IL20RA: variants seen among roughly 807,000 people sequenced by gnomAD.
The protein encoded by IL20RA is interleukin-20 receptor subunit alpha.
Under a neutral mutation model 36.5 loss-of-function variants are expected in IL20RA, and 29 were observed. The observed-to-expected ratio is 0.79, with a 90% CI of 0.59 to 1.08. IL20RA has a LOEUF of 1.08. IL20RA is among the 50% of genes least tolerant of loss of function. IL20RA has a pLI of 0.00. For synonymous variants in IL20RA, 279 were observed against 267.1 expected (o/e 1.04, Z -0.43); for missense variants, 652 against 668.4 (o/e 0.98, Z 0.27).
Position 137,004,644 on chromosome 6 carries a change from T to C in IL20RA, c.841A>G (p.Lys281Glu), listed in dbSNP as rs1336856512. ...ACCAAATTTGCTGGGTGTTTCTCTTTGCCAACGTGGATATATCGGTAGATG... is the reference window on the plus strand; with the variant it reads ...ACCAAATTTGCTGGGTGTTTCTCTTCGCCAACGTGGATATATCGGTAGATG... The part of the protein sequence containing the change: ...YSIYRYIHVG[K>E]EKHPANLILI... The change falls in exon 6 of 7, where the codon AAA (lysine) becomes GAA (glutamate). Residue 281 changes from lysine (K) to glutamate (E), a missense_variant. Physicochemically the swap from Lys to Glu is moderately conservative, Grantham distance 56. Coordinates refer to ENST00000316649, the MANE Select transcript of IL20RA (RefSeq NM_014432.4). The C allele has an allele frequency of 3.1e-6, 5 of 1,613,796 alleles. No individual in the cohort carries two copies. The highest frequency in any genetic ancestry group is 4.2e-6 in the Non-Finnish European group (5 of 1,179,966).
chr6:137,002,076 G>A lies in IL20RA; in HGVS notation c.1144C>T (p.Leu382Phe), dbSNP rs1342642. The A allele has an allele frequency of 0.25, 398,542 of 1,613,872 alleles. 50,866 individuals carry two copies. Among genetic ancestry groups the A allele is most frequent in the Middle Eastern group, 0.27 (1,635 of 6,062 alleles). ...CTGCTGAGGGACTCTTGCTGGGTGA[G>A]AGAAGTACCTTCCGTGTTTTCTTCA... ...DSEENTEGTS[L>F]TQQESLSRTI... Residue 382 changes from leucine (L) to phenylalanine (F), a missense_variant, in exon 7 of 7, where the codon CTC (leucine) becomes TTC (phenylalanine). Transcript: ENST00000316649.
chr6:137,032,317 C>T (rs888388247), intron 1 of IL20RA, among the ~76,000 whole-genome samples: 9 of 152,090 alleles, frequency 5.9e-5, no homozygotes, highest in Admixed American at 6.5e-5. Context: ...TTCCCTCAGG[C>T]GGGTGGAGGG....
intron 2 of IL20RA, among the ~76,000 whole-genome samples, chr6:137,016,136 C>T (rs368483088): frequency 6.6e-6 from 1 of 152,176 alleles, no homozygotes; most frequent in East Asian, 1.9e-4. Flanking sequence ...CTGACCCCGG[C>T]TCATTCCCAG....
rs1775010944 is a variant in IL20RA at position 137,000,883 on chromosome 6, C to T, written c.*675G>A. 1 of 152,124 alleles carries T rather than the reference C, an allele frequency of 6.6e-6. No homozygotes were observed. The allele number at this position is 152,124 out of a possible 1,614,324, so 9.4% of individuals were successfully genotyped here. On this transcript the variant is annotated 3_prime_UTR_variant, in exon 7 of 7. Transcript: ENST00000316649. ...AGCCCCTACTAAATTATTGAGAGGA[C>T]ACTTTTCTGACTACAAAAGAATACT...
Position 137,009,322 on chromosome 6 carries a change from T to C in IL20RA, c.574A>G (p.Arg192Gly), listed in dbSNP as rs1775389787. The C allele has an allele frequency of 6.2e-7, 1 of 1,612,892 alleles. No homozygotes were observed. Residue 192 changes from arginine (R) to glycine (G), a missense_variant, in exon 4 of 7, where the codon AGA becomes GGA. By Grantham distance (125) the Arg-to-Gly change is moderately radical. Coordinates refer to ENST00000316649, the MANE Select transcript of IL20RA (RefSeq NM_014432.4). ...NVSVLNTKSN[R>G]TWSQCVTNHT... ...CCATTCCATTTCAGGCTTACCGTTCTGTTTGATTTAGTATTCAACACAGAC... is the reference window on the plus strand; with the variant it reads ...CCATTCCATTTCAGGCTTACCGTTCCGTTTGATTTAGTATTCAACACAGAC...
Position 137,002,105 on chromosome 6 carries a change from TCA to T in IL20RA, c.1113_1114del (p.Cys371Ter). 6.2e-7 allele frequency: 1 copy of T among 1,614,116 alleles called. No homozygotes were observed. The highest frequency in any genetic ancestry group is 8.5e-7 in the Non-Finnish European group (1 of 1,180,018). On this transcript the variant is annotated stop_gained and frameshift_variant, in exon 7 of 7. Coordinates refer to ENST00000316649, the MANE Select transcript of IL20RA (RefSeq NM_014432.4). LOFTEE classifies it low-confidence loss of function (END_TRUNC). Reference sequence around the variant, plus strand: ...AGTACCTTCCGTGTTTTCTTCAGAGTCACAAAAAATTTCCATCAAATGCGAAG... The same window carrying T: ...AGTACCTTCCGTGTTTTCTTCAGAGTCAAAAAATTTCCATCAAATGCGAAG...
At chr6:137,014,910 C>A (rs1316326907) in intron 2 of IL20RA, among the ~76,000 whole-genome samples, 1 of 152,172 alleles carries the variant, frequency 6.6e-6, no homozygotes, top group African/African-American at 2.4e-5. Flanking sequence ...TAGTGCTCCA[C>A]CTCATCCTCC....
At chr6:137,025,938 C>T (rs965474404) in intron 1 of IL20RA, among the ~76,000 whole-genome samples, 4 of 152,200 alleles carry the variant, frequency 2.6e-5, no homozygotes, top group Admixed American at 2.0e-4. Context: ...GGTAATCAGC[C>T]TCTGTGGTTA....
Position 137,041,325 on chromosome 6 carries a change from T to C in IL20RA, c.88+3316A>G, listed in dbSNP as rs1381493574. Among the ~76,000 whole-genome samples, 4 of 152,350 alleles carry C rather than the reference T, an allele frequency of 2.6e-5. 1 individual carries two copies. The highest frequency in any genetic ancestry group is 3.9e-4 in the East Asian group (2 of 5,194). On this transcript the variant is annotated intron_variant, in intron 1 of 6. Transcript: ENST00000316649. ...ATGGGTGATACTCCAGCAAGGTCTA[T>C]AGTTTAGTGAGTAGCACTATACCAG... is the stretch of plus-strand genomic sequence containing the variant.
chr6:137,043,541 T>A (rs1582846375), intron 1 of IL20RA, among the ~76,000 whole-genome samples: 2 of 152,232 alleles, frequency 1.3e-5, no homozygotes, highest in Admixed American at 6.5e-5. Flanking sequence ...TCTGATAAAT[T>A]TAAAAGATAA....
intron 1 of IL20RA, among the ~76,000 whole-genome samples, chr6:137,040,496 CT>C (rs1419638985): frequency 1.3e-5 from 2 of 152,096 alleles, no homozygotes; most frequent in Non-Finnish European, 2.9e-5. Context: ...AGGGAAAACA[CT>C]AGATGAGTCT....
At chr6:137,044,572 G>A in intron 1 of IL20RA, 69 bp downstream of exon 1, 3 of 1,210,648 alleles carry the variant, frequency 2.5e-6, no homozygotes, top group Non-Finnish European at 3.1e-6. Flanking sequence ...GCTCGGCCTC[G>A]AGCTCTGCCT....
chr6:137,009,624 G>A (rs1371562212), intron 3 of IL20RA, 132 bp from the exon 4 acceptor site: 1 of 474,850 alleles, frequency 2.1e-6, no homozygotes, highest in Non-Finnish European at 3.5e-6. Flanking sequence ...TTTTTTTTTT[G>A]AGATGGAGTC....
In IL20RA at chr6:137,044,699, C is replaced by T; in HGVS notation, c.30G>A (p.Arg10=). Residue 10 remains arginine (R), a synonymous_variant, in exon 1 of 7, where the codon CGG becomes CGA. Transcript: ENST00000316649. ...GCAGCAGCGGCGGCAGCGGCAGCGG[C>T]CGCAGGGCCGGGCGGCCGGGAGCCC... MRAPGRPAL[R]PLPLPPLLLL... 8.2e-7 allele frequency: 1 copy of T among 1,223,152 alleles called. No homozygotes were observed. The highest frequency in any genetic ancestry group is 3.3e-5 in the East Asian group (1 of 30,754). 75.8% of individuals were successfully genotyped at this position (1,223,152 alleles called of 1,614,324 possible). A position where few individuals can be genotyped will look rare whatever the true frequency, so the allele number is the denominator to read the frequency against.
intron 2 of IL20RA, among the ~76,000 whole-genome samples, chr6:137,012,679 C>T (rs1304091465): frequency 2.0e-5 from 3 of 151,900 alleles, no homozygotes; most frequent in East Asian, 3.9e-4. Flanking sequence ...ATTTCAGGAG[C>T]GTCAAGATTT....
intron 1 of IL20RA, among the ~76,000 whole-genome samples, chr6:137,025,994 T>C (rs989457519): frequency 6.6e-6 from 1 of 152,222 alleles, no homozygotes; most frequent in Admixed American, 6.5e-5. Flanking sequence ...TTTCCCATTA[T>C]GGCCAGCACA....
intron 3 of IL20RA, 138 bp from the exon 4 acceptor site, chr6:137,009,630 G>A (rs1190277140): frequency 1.8e-6 from 1 of 543,918 alleles, no homozygotes; most frequent in Non-Finnish European, 3.1e-6. Flanking sequence ...TTTTGAGATG[G>A]AGTCTTGCCC....
At position 137,018,513 on chromosome 6, in the gene IL20RA, C is replaced by CGTGTGTGTGTGT. The variant is rs3842115; in HGVS notation, c.89-1422_89-1411dup. Among the ~76,000 whole-genome samples, 64 of 142,916 alleles carry CGTGTGTGTGTGT rather than the reference C, an allele frequency of 4.5e-4. No homozygotes were observed. In the East Asian group the frequency reaches 8.1e-3, roughly 18 times the overall value. The allele number at this position is 142,916 out of a possible 152,430, so 93.8% of individuals were successfully genotyped here. A position where few individuals can be genotyped will look rare whatever the true frequency, so the allele number is the denominator to read the frequency against. Reference sequence around the variant, plus strand: ...ACAATCAATTGACCACTGCCGTGTGCGTGTGTGTGTGTGTGTGTGTGTGTG... The same window carrying CGTGTGTGTGTGT: ...ACAATCAATTGACCACTGCCGTGTGCGTGTGTGTGTGTGTGTGTGTGTGTGTGTGTGTGTGTG... On this transcript the variant is annotated intron_variant, in intron 1 of 6. Transcript: ENST00000316649.
intron 2 of IL20RA, 44 bp from the exon 3 acceptor site, chr6:137,011,496 C>G: frequency 7.7e-7 from 1 of 1,294,066 alleles, no homozygotes; most frequent in Admixed American, 2.4e-5. Context: ...GCCCTCTATA[C>G]TTTACAATAA....
Sources: allele counts gnomAD v4.1 joint callset (sites outside exome capture counted in the v4.1 genomes callset), GRCh38; gene constraint gnomAD v4.1.1; transcripts MANE v1.5; gene names NCBI Gene and HGNC (gene_info 2026-07-23, HGNC 2026-07-21).